TENM4: variants seen among roughly 807,000 people sequenced by gnomAD.
TENM4 encodes teneurin transmembrane protein 4, also known as teneurin-4.
A neutral mutation model predicts 243.3 loss-of-function variants in TENM4; 82 were observed. The observed-to-expected ratio is 0.34, with a 90% confidence interval of 0.28 to 0.40. The LOEUF (loss-of-function observed/expected upper bound fraction) is 0.40, where lower values mean the gene tolerates loss of function less well. Among genes scored for constraint, TENM4 ranks in the 10% least tolerant of loss-of-function variants. The pLI, the probability that TENM4 is intolerant of heterozygous loss-of-function variation, is 1.00. For missense variants in TENM4, 3,138 were observed against 3,673.3 expected, an observed-to-expected ratio of 0.85 and a Z score of 3.77; for synonymous variants, 1,412 against 1,456.3, an observed-to-expected ratio of 0.97 and a Z score of 0.69.
At chr11:79,367,217 T>A (rs1857693331) in intron 1 of TENM4, among the ~76,000 whole-genome samples, 1 of 152,204 alleles carries the variant, frequency 6.6e-6, no homozygotes. Context: ...ATGAAGTGAA[T>A]CTATGGGTGA....
intron 1 of TENM4, among the ~76,000 whole-genome samples, chr11:79,439,357 G>A (rs554192729): frequency 2.6e-4 from 39 of 152,076 alleles, no homozygotes; most frequent in African/African-American, 8.9e-4. Context: ...GATCGGGTGG[G>A]GGCTTGGCGC....
At chr11:78,875,245 T>C (rs1024359710) in intron 9 of TENM4, among the ~76,000 whole-genome samples, 1 of 152,182 alleles carries the variant, frequency 6.6e-6, no homozygotes, top group Non-Finnish European at 1.5e-5. Flanking sequence ...TTTTTTTCTT[T>C]TGAGACAGAG....
chr11:79,400,099 CCACACACACACACACACACACACACA>C (rs71050221), intron 1 of TENM4, among the ~76,000 whole-genome samples: 1 of 140,588 alleles, frequency 7.1e-6, no homozygotes, highest in Admixed American at 7.2e-5. Context: ...TAAACACACA[CCACACACACACACACACACACACACA>C]CACACACACA....
intron 6 of TENM4, among the ~76,000 whole-genome samples, chr11:79,026,426 T>C (rs1176206494): frequency 1.3e-5 from 2 of 152,108 alleles, no homozygotes; most frequent in Non-Finnish European, 2.9e-5. Context: ...AAGGAAGGCT[T>C]AACAAGAGCG....
At chr11:79,295,136 C>A (rs1259401833) in intron 2 of TENM4, among the ~76,000 whole-genome samples, 1 of 152,148 alleles carries the variant, frequency 6.6e-6, no homozygotes, top group Non-Finnish European at 1.5e-5. Context: ...CAGAGAGGAA[C>A]AAAAACGCAC....
chr11:78,665,210 T>C (rs996651674), intron 32 of TENM4, among the ~76,000 whole-genome samples: 1 of 151,900 alleles, frequency 6.6e-6, no homozygotes, highest in African/African-American at 2.4e-5. Flanking sequence ...TTTTCCTTTT[T>C]ATTTTCTTTT....
At chr11:78,991,068 ATGGGG>A (rs770842756) in intron 6 of TENM4, among the ~76,000 whole-genome samples, 61 of 152,260 alleles carry the variant, frequency 4.0e-4, no homozygotes, top group Middle Eastern at 6.8e-3. Flanking sequence ...CAGATGGCGC[ATGGGG>A]TGTCTGCGTG....
chr11:78,958,475 G>A (rs553921232), intron 6 of TENM4, among the ~76,000 whole-genome samples: 2 of 152,280 alleles, frequency 1.3e-5, no homozygotes, highest in South Asian at 4.1e-4. Context: ...AGTGATTTCT[G>A]GATGATTACC....
At chr11:78,842,551 G>A (rs1858284346) in intron 12 of TENM4, among the ~76,000 whole-genome samples, 1 of 152,210 alleles carries the variant, frequency 6.6e-6, no homozygotes, top group Admixed American at 6.5e-5. Flanking sequence ...CTTCCAAGCT[G>A]GCTAGCCAAC....
intron 3 of TENM4, among the ~76,000 whole-genome samples, chr11:79,187,289 C>G (rs1023309890): frequency 1.3e-5 from 2 of 152,180 alleles, no homozygotes; most frequent in Non-Finnish European, 2.9e-5. Flanking sequence ...TAGCAGCACA[C>G]ATAAATAAAA....
intron 6 of TENM4, among the ~76,000 whole-genome samples, chr11:79,004,960 A>AAAAAAAC: frequency 7.5e-6 from 1 of 134,108 alleles, no homozygotes; most frequent in African/African-American, 2.9e-5. Context: ...AAAAAAAAAA[A>AAAAAAAC]ACAACTCTGA....
chr11:78,731,573 G>C (rs1855668928), intron 21 of TENM4, among the ~76,000 whole-genome samples: 1 of 152,220 alleles, frequency 6.6e-6, no homozygotes, highest in Non-Finnish European at 1.5e-5. Flanking sequence ...CTTCTACACT[G>C]ACATCTCTCC....
chr11:78,843,685 A>T (rs891287951), intron 12 of TENM4, among the ~76,000 whole-genome samples: 1 of 152,192 alleles, frequency 6.6e-6, no homozygotes, highest in Non-Finnish European at 1.5e-5. Context: ...AGAAAGCCAA[A>T]TTTATAAGAA....
intron 6 of TENM4, among the ~76,000 whole-genome samples, chr11:78,925,365 T>C (rs1221276997): frequency 6.6e-6 from 1 of 152,192 alleles, no homozygotes; most frequent in Non-Finnish European, 1.5e-5. Context: ...AGTTTTCCTG[T>C]TGCCCATAAC....
chr11:78,787,091 G>C lies in TENM4; in HGVS notation c.2180-8C>G. 6.5e-7 allele frequency: 1 copy of C among 1,537,848 alleles called. No homozygotes were observed. Among genetic ancestry groups the C allele is most frequent in the South Asian group, 1.2e-5 (1 of 82,668 alleles). ...AGTCGGCAGCACAGATCTCTGTGGGGAGGAGCAGAAGAAGGGAGGACACCA... is the reference window on the plus strand; with the variant it reads ...AGTCGGCAGCACAGATCTCTGTGGGCAGGAGCAGAAGAAGGGAGGACACCA... On this transcript the variant is annotated splice_polypyrimidine_tract_variant and splice_region_variant and intron_variant, in intron 15 of 33. Transcript: ENST00000278550.
chr11:79,422,632 A>G (rs1040480082), intron 1 of TENM4, among the ~76,000 whole-genome samples: 1 of 152,202 alleles, frequency 6.6e-6, no homozygotes, highest in African/African-American at 2.4e-5. Context: ...TGAGAAAGAA[A>G]AATGTTAAAT....
chr11:78,872,217 C>T (rs1255014589), intron 9 of TENM4, among the ~76,000 whole-genome samples: 4 of 152,174 alleles, frequency 2.6e-5, no homozygotes, highest in African/African-American at 9.7e-5. Context: ...GGACAGGCTT[C>T]CATTTCATCC....
At chr11:78,760,507 A>G (rs1382750005) in intron 18 of TENM4, among the ~76,000 whole-genome samples, 1 of 152,224 alleles carries the variant, frequency 6.6e-6, no homozygotes, top group African/African-American at 2.4e-5. Flanking sequence ...GTGAAGCACA[A>G]AACTTCCCTT....
chr11:78,982,848 T>C (rs545789254), intron 6 of TENM4, among the ~76,000 whole-genome samples: 2 of 152,342 alleles, frequency 1.3e-5, no homozygotes, highest in African/African-American at 4.8e-5. Context: ...TTCTCTGAGA[T>C]GCTCTGGCAA....
Sources: gnomAD v4.1 joint callset for allele counts (sites outside exome capture counted in the v4.1 genomes callset) on GRCh38, gnomAD v4.1.1 for gene constraint, MANE v1.5 for transcripts, NCBI Gene and HGNC (gene_info 2026-07-23, HGNC 2026-07-21) for gene names.